Variants in IFNAR2 observed in about 807,000 individuals in gnomAD.
IFNAR2 encodes the protein interferon alpha/beta receptor 2.
IFNAR2 carries 30 observed loss-of-function variants against 49.4 expected under a neutral mutation model. The observed-to-expected ratio is 0.61, with a 90% CI of 0.45 to 0.82. The LOEUF is 0.82. Among genes scored for constraint, IFNAR2 ranks in the 40% least tolerant of loss-of-function variants. IFNAR2 has a pLI of 0.00. For missense variants in IFNAR2, 600 were observed against 622.7 expected, an observed-to-expected ratio of 0.96 and a Z score of 0.39; for synonymous variants, 224 against 234.5, an observed-to-expected ratio of 0.96 and a Z score of 0.41.
At chr21:33,249,537 T>C (rs1282254768) in intron 6 of IFNAR2, among the ~76,000 whole-genome samples, 2 of 152,072 alleles carry the variant, frequency 1.3e-5, no homozygotes, top group South Asian at 4.1e-4. Flanking sequence ...TCACACACAG[T>C]AAGGAAGTGG....
At chr21:33,255,958 C>T (rs1859821547) in intron 7 of IFNAR2, among the ~76,000 whole-genome samples, 1 of 152,184 alleles carries the variant, frequency 6.6e-6, no homozygotes, top group Admixed American at 6.5e-5. Context: ...TGAAGCTCTG[C>T]TCCAGGAACT....
rs539760434 is a variant in IFNAR2 at position 33,250,776 on chromosome 21, C to T, written c.541-1886C>T. Among the ~76,000 whole-genome samples the T allele has an allele frequency of 8.5e-5, 13 of 152,202 alleles. No homozygotes were observed. In the East Asian group the frequency reaches 2.1e-3, roughly 25 times the overall value. Reference sequence around the variant, plus strand: ...CTGGTGTTGAACTCCTGACCTCAGGCGATCCACCCACCTCAGCCTCCCAAA... The same window carrying T: ...CTGGTGTTGAACTCCTGACCTCAGGTGATCCACCCACCTCAGCCTCCCAAA... On this transcript the variant is annotated intron_variant, in intron 6 of 8. Transcript: ENST00000342136.
At position 33,230,293 on chromosome 21, in the gene IFNAR2, C is replaced by T; in HGVS notation, c.-84+77C>T. On this transcript the variant is annotated intron_variant, in intron 1 of 8. Transcript: ENST00000342136. The surrounding 1 kb of genome is among the most constrained non-coding windows in gnomAD (Gnocchi z 5.5). ...GAGGGAAAACGCCGCCTCCCTGCAG[C>T]GGTTCCCGGAATCCCCTCCGGTTCC... is the stretch of plus-strand genomic sequence containing the variant. 6 of 1,093,262 alleles carry T rather than the reference C, an allele frequency of 5.5e-6. No individual in the cohort carries two copies. Among genetic ancestry groups the T allele is most frequent in the Non-Finnish European group, 6.8e-6 (6 of 879,656 alleles). 67.7% of individuals were successfully genotyped at this position (1,093,262 alleles called of 1,614,324 possible).
At chr21:33,257,409 G>A (rs556360411) in intron 7 of IFNAR2, among the ~76,000 whole-genome samples, 15 of 152,190 alleles carry the variant, frequency 9.9e-5, no homozygotes, top group Non-Finnish European at 1.8e-4. Context: ...GGACCTGAGC[G>A]GGTTGCCACT....
Position 33,263,560 on chromosome 21 carries a change from AT to A in IFNAR2, c.*61del, listed in dbSNP as rs1397336206. The A allele has an allele frequency of 2.3e-5, 34 of 1,486,792 alleles. No individual in the cohort carries two copies. Among genetic ancestry groups the A allele is most frequent in the Non-Finnish European group, 2.8e-5 (31 of 1,113,262 alleles). The allele number at this position is 1,486,792 out of a possible 1,614,324, so 92.1% of individuals were successfully genotyped here. A position where few individuals can be genotyped will look rare whatever the true frequency, so the allele number is the denominator to read the frequency against. ...CACCTACAGGGTTCTTTGTCTCTGC[AT>A]CCTAACTTGCTGCCTTATCGTCTGC... is the stretch of plus-strand genomic sequence containing the variant. On this transcript the variant is annotated 3_prime_UTR_variant, in exon 9 of 9. Coordinates refer to ENST00000342136, the MANE Select transcript of IFNAR2 (RefSeq NM_001289125.3).
intron 1 of IFNAR2, among the ~76,000 whole-genome samples, chr21:33,239,814 GC>G (rs1181143062): frequency 1.5e-5 from 2 of 136,716 alleles, no homozygotes; most frequent in African/African-American, 2.8e-5. Flanking sequence ...TCTCCCTTCT[GC>G]AGGCCCAGAG....
In IFNAR2 at chr21:33,252,662, C is replaced by T. The variant is rs1987935826; in HGVS notation, c.541C>T (p.His181Tyr). 1 of 1,612,876 alleles carries T rather than the reference C, an allele frequency of 6.2e-7. No homozygotes were observed. Among genetic ancestry groups the T allele is most frequent in the South Asian group, 1.1e-5 (1 of 90,702 alleles). Residue 181 changes from histidine (H) to tyrosine (Y), a missense_variant and splice_region_variant, in exon 7 of 9, where the codon CAT becomes TAT. Physicochemically the swap from His to Tyr is moderately conservative, Grantham distance 83 (BLOSUM62 2). Transcript: ENST00000342136. ...ACTGATTTTTTGCTTATGTTTACAG[C>T]ATAAACCCGAAATAAAAGGAAACAT... ...EEQSEGIVKK[H>Y]KPEIKGNMSG...
At chr21:33,233,339 G>C (rs17860250) in intron 1 of IFNAR2, among the ~76,000 whole-genome samples, 4,616 of 151,552 alleles carry the variant, frequency 0.03, 100 homozygotes, top group Non-Finnish European at 0.05. Flanking sequence ...TGAAGTCCCA[G>C]ATGTAGAGAA....
At chr21:33,240,074 G>A (rs184108062) in intron 1 of IFNAR2, among the ~76,000 whole-genome samples, 3 of 152,190 alleles carry the variant, frequency 2.0e-5, no homozygotes, top group Admixed American at 1.3e-4. Context: ...GCCCCAGAGT[G>A]GTCACAGGCC....
chr21:33,258,865 C>T (rs1170737538), intron 7 of IFNAR2, among the ~76,000 whole-genome samples: 1 of 152,144 alleles, frequency 6.6e-6, no homozygotes, highest in East Asian at 1.9e-4. Flanking sequence ...TCTCCGTGAT[C>T]TGACGTGGGA....
intron 1 of IFNAR2, among the ~76,000 whole-genome samples, chr21:33,234,044 A>G (rs1186583931): frequency 1.3e-5 from 2 of 150,494 alleles, no homozygotes; most frequent in African/African-American, 4.9e-5. Context: ...GCAACTTTTA[A>G]TATCTTTCAT....
At chr21:33,241,224 G>A (rs1986897716) in intron 1 of IFNAR2, among the ~76,000 whole-genome samples, 1 of 152,152 alleles carries the variant, frequency 6.6e-6, no homozygotes, top group South Asian at 2.1e-4. Flanking sequence ...TAATTTGAAT[G>A]AGCTGTTTCT....
At position 33,263,203 on chromosome 21, in the gene IFNAR2, T is replaced by C; in HGVS notation, c.1251T>C (p.Ser417=). 1 of 1,614,204 alleles carries C rather than the reference T, an allele frequency of 6.2e-7. No individual in the cohort carries two copies. Among genetic ancestry groups the C allele is most frequent in the Non-Finnish European group, 8.5e-7 (1 of 1,180,044 alleles). ...AGGACTACAGCTCCACGGAGGGGTC[T>C]GGGGGCAGAATTACCTTCAATGTGG... ...PEEDYSSTEG[S]GGRITFNVDL... is the part of the protein sequence containing the mutation. Residue 417 remains serine, a synonymous_variant, in exon 9 of 9, where the codon TCT becomes TCC. Coordinates refer to ENST00000342136, the MANE Select transcript of IFNAR2 (RefSeq NM_001289125.3).
chr21:33,233,063 A>T (rs368921276), intron 1 of IFNAR2: 31 of 441,518 alleles, frequency 7.0e-5, no homozygotes, highest in African/African-American at 6.0e-4. Context: ...ATATAAATCC[A>T]ATAAAACAAA....
intron 2 of IFNAR2, among the ~76,000 whole-genome samples, chr21:33,243,365 G>C (rs1201554732): frequency 6.6e-6 from 1 of 152,136 alleles, no homozygotes; most frequent in East Asian, 1.9e-4. Context: ...TTACAGACGT[G>C]AGCCACGACG....
intron 1 of IFNAR2, chr21:33,231,699 A>G (rs1298547424): frequency 2.0e-6 from 2 of 984,262 alleles, no homozygotes; most frequent in African/African-American, 1.7e-5. Flanking sequence ...GGTATGTATC[A>G]TCTTCCGTTA....
intron 7 of IFNAR2, among the ~76,000 whole-genome samples, chr21:33,260,114 G>T (rs1988464153): frequency 6.6e-6 from 1 of 152,198 alleles, no homozygotes; most frequent in South Asian, 2.1e-4. Flanking sequence ...AGCAAGGCAG[G>T]TTCTGCAGAG....
chr21:33,261,307 G>C (rs1255431738), intron 8 of IFNAR2, among the ~76,000 whole-genome samples: 1 of 151,960 alleles, frequency 6.6e-6, no homozygotes, highest in Admixed American at 6.6e-5. Flanking sequence ...AAAGTTCTGG[G>C]ATTACAGGTG....
At chr21:33,234,676 T>G (rs1601784723) in intron 1 of IFNAR2, 1 of 468,394 alleles carries the variant, frequency 2.1e-6, no homozygotes, top group Non-Finnish European at 2.6e-6. Flanking sequence ...AGGGTTTGTC[T>G]GGTCTCAGGG....
Sources: allele counts gnomAD v4.1 joint callset (sites outside exome capture counted in the v4.1 genomes callset), GRCh38; gene constraint gnomAD v4.1.1; non-coding constraint Gnocchi (gnomAD v3.1); transcripts MANE v1.5; gene names NCBI Gene and HGNC (gene_info 2026-07-23, HGNC 2026-07-21).